Variants in PLPPR5 observed in about 807,000 individuals in gnomAD.
PLPPR5 encodes phospholipid phosphatase-related protein type 5.
In PLPPR5, 16 loss-of-function variants were observed where a neutral mutation model predicts 33.9. The ratio of observed to expected loss-of-function variants is 0.47; its 90% CI spans 0.32 to 0.72. The LOEUF (loss-of-function observed/expected upper bound fraction) is 0.72. PLPPR5 is among the 30% of genes least tolerant of loss of function. The pLI is 0.03. For missense variants in PLPPR5, 301 were observed against 406.7 expected, an observed-to-expected ratio of 0.74 and a Z score of 2.23; for synonymous variants, 163 against 150.3, an observed-to-expected ratio of 1.08 and a Z score of -0.62.
chr1:98,980,435 T>G (rs1227050341), intron 1 of PLPPR5, among the ~76,000 whole-genome samples: 1 of 152,142 alleles, frequency 6.6e-6, no homozygotes, highest in East Asian at 1.9e-4. Context: ...AAGCCTGTCT[T>G]ATGTGCTCTT....
At chr1:98,960,219 T>C (rs1229805300) in intron 1 of PLPPR5, among the ~76,000 whole-genome samples, 2 of 151,934 alleles carry the variant, frequency 1.3e-5, no homozygotes, top group Non-Finnish European at 2.9e-5. Context: ...TTATTATTAT[T>C]TTGAGATGAA....
intron 1 of PLPPR5, among the ~76,000 whole-genome samples, chr1:98,961,425 C>T (rs1201678379): frequency 6.6e-6 from 1 of 152,122 alleles, no homozygotes; most frequent in Non-Finnish European, 1.5e-5. Context: ...TTGAGTTTGC[C>T]TTGAAGGCAG....
chr1:98,906,379 T>G (rs1404905562), intron 5 of PLPPR5, among the ~76,000 whole-genome samples: 1 of 151,996 alleles, frequency 6.6e-6, no homozygotes, highest in Non-Finnish European at 1.5e-5. Flanking sequence ...TACATGTTGT[T>G]GGCCAGGTTC....
At chr1:98,904,198 T>C (rs542387081) in intron 5 of PLPPR5, among the ~76,000 whole-genome samples, 1 of 151,942 alleles carries the variant, frequency 6.6e-6, no homozygotes, top group South Asian at 2.1e-4. Context: ...TATAGGTTGG[T>C]GAAAAGCCCC....
chr1:98,977,235 G>A (rs1218900138), intron 1 of PLPPR5, among the ~76,000 whole-genome samples: 1 of 151,904 alleles, frequency 6.6e-6, no homozygotes, highest in Non-Finnish European at 1.5e-5. Context: ...TAGTGTATTC[G>A]ATGGGCATTT....
Position 98,967,786 on chromosome 1 carries a change from C to T in PLPPR5, c.238-11045G>A, listed in dbSNP as rs538287149. 5.9e-5 allele frequency among the ~76,000 whole-genome samples: 9 copies of T among 152,112 alleles called. No individual in the cohort carries two copies. The South Asian group carries it at 1.5e-3, about 25-fold the overall frequency. ...AGGGGCTGGCACAGAGTAAGCACTA[C>T]GTAAATTTTAGTCATTATTAGGTAG... On this transcript the variant is annotated intron_variant, in intron 1 of 5. Coordinates refer to ENST00000263177, the MANE Select transcript of PLPPR5 (RefSeq NM_001037317.2).
At chr1:98,906,554 C>A (rs1175520636) in intron 5 of PLPPR5, among the ~76,000 whole-genome samples, 1 of 152,064 alleles carries the variant, frequency 6.6e-6, no homozygotes, top group Non-Finnish European at 1.5e-5. Context: ...CTACATGTTT[C>A]TGATTAATGA....
intron 3 of PLPPR5, among the ~76,000 whole-genome samples, chr1:98,945,404 C>G (rs181773482): frequency 9.3e-4 from 141 of 152,272 alleles, no homozygotes; most frequent in Non-Finnish European, 1.7e-3. Flanking sequence ...AATCAACTAA[C>G]AAGTTTCCTT....
chr1:98,936,897 CTGT>C (rs1169434228), intron 3 of PLPPR5, among the ~76,000 whole-genome samples: 3 of 152,168 alleles, frequency 2.0e-5, no homozygotes, highest in Non-Finnish European at 2.9e-5. Flanking sequence ...GAATATATGG[CTGT>C]TGTTGTTTGA....
chr1:98,899,399 A>G (rs2101133929), intron 5 of PLPPR5, among the ~76,000 whole-genome samples: 1 of 152,304 alleles, frequency 6.6e-6, no homozygotes, highest in South Asian at 2.1e-4. Flanking sequence ...CAGTCTGAGT[A>G]CCACTGCCTA....
At chr1:98,935,004 C>T (rs1176194377) in intron 3 of PLPPR5, among the ~76,000 whole-genome samples, 1 of 152,102 alleles carries the variant, frequency 6.6e-6, no homozygotes, top group Non-Finnish European at 1.5e-5. Context: ...TTCTAAACCA[C>T]ATTCATGAAT....
chr1:98,892,975 T>C lies in PLPPR5; in HGVS notation c.*97A>G, dbSNP rs935280955. ...AATTATAAAAATTATTAAACAACTT[T>C]ATAAACTTCACTTGCAATCAAACAA... On this transcript the variant is annotated 3_prime_UTR_variant, in exon 6 of 6. Transcript: ENST00000263177. The C allele has an allele frequency of 1.7e-5, 20 of 1,192,588 alleles. No homozygotes were observed. Among genetic ancestry groups the C allele is most frequent in the Non-Finnish European group, 2.2e-5 (18 of 821,890 alleles). 73.9% of individuals were successfully genotyped at this position (1,192,588 alleles called of 1,614,324 possible). A position where few individuals can be genotyped will look rare whatever the true frequency, so the allele number is the denominator to read the frequency against.
intron 2 of PLPPR5, among the ~76,000 whole-genome samples, chr1:98,956,197 G>C (rs1163414065): frequency 2.0e-5 from 3 of 152,120 alleles, no homozygotes; most frequent in Admixed American, 2.0e-4. Flanking sequence ...CATAAACACA[G>C]TAATCACGTA....
chr1:98,976,193 A>T (rs1651847511), intron 1 of PLPPR5, among the ~76,000 whole-genome samples: 1 of 150,210 alleles, frequency 6.7e-6, no homozygotes, highest in African/African-American at 2.4e-5. Flanking sequence ...AAGGAAGAGG[A>T]GTTGGGGAGA....
upstream of PLPPR5, among the ~76,000 whole-genome samples, chr1:99,005,397 C>T (rs1653051368): frequency 6.6e-6 from 1 of 152,104 alleles, no homozygotes; most frequent in Non-Finnish European, 1.5e-5. Flanking sequence ...TGGAGCCTGG[C>T]GGTGGTTTCT....
At chr1:98,927,742 A>G (rs1022165123) in intron 3 of PLPPR5, among the ~76,000 whole-genome samples, 2 of 152,166 alleles carry the variant, frequency 1.3e-5, no homozygotes, top group Non-Finnish European at 2.9e-5. Context: ...TTCTGACGTA[A>G]GGGTGCTCAC....
intron 1 of PLPPR5, among the ~76,000 whole-genome samples, chr1:99,001,685 T>TATATAG (rs1299296768): frequency 1.8e-4 from 26 of 143,346 alleles, no homozygotes; most frequent in Non-Finnish European, 3.2e-4. Flanking sequence ...TATATATATA[T>TATATAG]ATATATATAT....
At chr1:98,984,089 C>T (rs1652158117) in intron 1 of PLPPR5, among the ~76,000 whole-genome samples, 2 of 151,940 alleles carry the variant, frequency 1.3e-5, no homozygotes, top group African/African-American at 4.8e-5. Context: ...AAGTGTATCT[C>T]AAAGCCAAAG....
At chr1:98,914,198 C>A (rs112018246) in intron 5 of PLPPR5, among the ~76,000 whole-genome samples, 2 of 152,184 alleles carry the variant, frequency 1.3e-5, no homozygotes, top group African/African-American at 4.8e-5. Context: ...GAGACCAGTA[C>A]ACAATGTTCC....
Sources: gnomAD v4.1 joint callset for allele counts (sites outside exome capture counted in the v4.1 genomes callset) on GRCh38, gnomAD v4.1.1 for gene constraint, MANE v1.5 for transcripts, NCBI Gene and HGNC (gene_info 2026-07-23, HGNC 2026-07-21) for gene names.